Variants in LRP5 observed in about 807,000 individuals in gnomAD.
The protein encoded by LRP5 is LDL receptor related protein 5, also known as low-density lipoprotein receptor-related protein 5.
A neutral mutation model predicts 154.1 loss-of-function variants in LRP5; 62 were observed. That is an observed-to-expected ratio of 0.40 (90% confidence interval 0.33 to 0.50). LRP5 has a LOEUF of 0.50. LRP5 is among the 20% of genes least tolerant of loss of function. The pLI, the probability that LRP5 is intolerant of heterozygous loss-of-function variation, is 0.55. For missense variants in LRP5, 1,915 were observed against 2,336.7 expected (o/e 0.82, Z 3.72); for synonymous variants, 966 against 1,011.5 (o/e 0.96, Z 0.85).
intron 21 of LRP5, 111 bp from the exon 22 acceptor site, chr11:68,446,325 A>C: frequency 1.2e-6 from 1 of 805,036 alleles, no homozygotes; most frequent in East Asian, 2.5e-5. Flanking sequence ...GGTCCTGGGA[A>C]GCAGGGGGGC....
At chr11:68,445,757 G>A in intron 21 of LRP5, 1 of 981,624 alleles carries the variant, frequency 1.0e-6, no homozygotes, top group Non-Finnish European at 1.4e-6. Context: ...CTGGTTGTGT[G>A]CTGCCTGGAC....
intron 18 of LRP5, among the ~76,000 whole-genome samples, chr11:68,436,331 CGTCTGGGGAGGG>C (rs2098674895): frequency 6.6e-6 from 1 of 152,020 alleles, no homozygotes; most frequent in South Asian, 2.1e-4. Context: ...TCTGGGTGGG[CGTCTGGGGAGGG>C]GTGGAGGCAG....
chr11:68,393,331 G>A (rs1276014125), intron 7 of LRP5, among the ~76,000 whole-genome samples: 1 of 152,200 alleles, frequency 6.6e-6, no homozygotes, highest in African/African-American at 2.4e-5. Flanking sequence ...GGATATATGT[G>A]TAGGGGTAGG....
intron 5 of LRP5, among the ~76,000 whole-genome samples, chr11:68,373,392 G>GA (rs940212578): frequency 6.6e-6 from 1 of 152,078 alleles, no homozygotes; most frequent in Non-Finnish European, 1.5e-5. Flanking sequence ...TTGGTGGCGG[G>GA]GGGGGCCCCG....
intron 1 of LRP5, among the ~76,000 whole-genome samples, chr11:68,341,804 C>T (rs1445349214): frequency 6.6e-6 from 1 of 152,156 alleles, no homozygotes; most frequent in Admixed American, 6.5e-5. Context: ...CCCACTTCAC[C>T]CTGCACCATT....
chr11:68,361,785 G>C (rs919576631), intron 3 of LRP5, among the ~76,000 whole-genome samples: 1 of 152,156 alleles, frequency 6.6e-6, no homozygotes, highest in African/African-American at 2.4e-5. Context: ...TCACACCACC[G>C]CACTCCAGCC....
At chr11:68,448,254 C>A (rs2098682521) in intron 22 of LRP5, among the ~76,000 whole-genome samples, 1 of 152,174 alleles carries the variant, frequency 6.6e-6, no homozygotes, top group African/African-American at 2.4e-5. Flanking sequence ...GGGTCCCTCC[C>A]ACAGCACGTG....
the LRP5 span, among the ~76,000 whole-genome samples, chr11:68,302,699 C>T: frequency 3.3e-5 from 5 of 152,196 alleles, no homozygotes; most frequent in African/African-American, 1.2e-4. Context: ...GGACATGTGT[C>T]CCCTGGAGAT....
intron 1 of LRP5, among the ~76,000 whole-genome samples, chr11:68,314,094 C>T (rs1356917145): frequency 6.6e-6 from 1 of 152,194 alleles, no homozygotes; most frequent in South Asian, 2.1e-4. Flanking sequence ...GAAGACAAAA[C>T]AGCGACAGTA....
rs369471051 is a variant in LRP5, at chr11:68,413,958, C to T, written c.2773C>T (p.Arg925Cys). 3.2e-5 allele frequency: 51 copies of T among 1,608,302 alleles called. 1 individual carries two copies. The highest frequency in any genetic ancestry group is 5.3e-5 in the African/African-American group (4 of 75,054). The stretch of plus-strand genomic sequence containing the variant: ...GTGCCTTGCCATCCCCGGCGGCCAC[C>T]GCTGCGGCTGCGCCTCACACTACAC... ...QLCLAIPGGH[R>C]CGCASHYTLD... Residue 925 changes from arginine (R) to cysteine (C), a missense_variant, in exon 12 of 23, where the codon CGC (arginine) becomes TGC (cysteine). Transcript: ENST00000294304. This position sits in a 1 kb window ranked among gnomAD's most constrained non-coding sequence, Gnocchi z 5.1.
chr11:68,433,444 G>T (rs915420956), intron 17 of LRP5, among the ~76,000 whole-genome samples, 158 bp from the exon 18 acceptor site: 1 of 152,200 alleles, frequency 6.6e-6, no homozygotes, highest in Non-Finnish European at 1.5e-5. Flanking sequence ...CACAGGAGCC[G>T]CAGCGATGGA....
chr11:68,422,012 C>T lies in LRP5; in HGVS notation c.3028-1477C>T, dbSNP rs185897379. On this transcript the variant is annotated intron_variant, in intron 13 of 22. Transcript: ENST00000294304. ...ATATGAGCATAGCTCACTGCAGCCT[C>T]GGCCTCCCAGGCTGAAGCGATCCTC... Among the ~76,000 whole-genome samples, 804 of 152,206 alleles carry T rather than the reference C, an allele frequency of 5.3e-3. 6 individuals carry two copies. The highest frequency in any genetic ancestry group is 0.051 in the Middle Eastern group (15 of 294).
chr11:68,386,794 C>T lies in LRP5; in HGVS notation c.1412+82C>T. 1 of 1,455,076 alleles carries T rather than the reference C, an allele frequency of 6.9e-7. No homozygotes were observed. Among genetic ancestry groups the T allele is most frequent in the African/African-American group, 1.4e-5 (1 of 71,580 alleles). The allele number at this position is 1,455,076 out of a possible 1,614,324, so 90.1% of individuals were successfully genotyped here. ...GGGAGATTGACCTGGACCTGTCATT[C>T]TGGGACACTGTCTTGCATCAGAACC... On this transcript the variant is annotated intron_variant, in intron 6 of 22. Transcript: ENST00000294304. The surrounding 1 kb of genome is among the most constrained non-coding windows in gnomAD (Gnocchi z 7.9).
chr11:68,354,057 A>G (rs1316170559), intron 2 of LRP5, among the ~76,000 whole-genome samples: 2 of 152,180 alleles, frequency 1.3e-5, no homozygotes, highest in Admixed American at 6.5e-5. Flanking sequence ...CCAGCCTGAC[A>G]AGGGGCTGCA....
chr11:68,426,198 G>A lies in LRP5; in HGVS notation c.3637+11G>A. On this transcript the variant is annotated intron_variant, in intron 16 of 22. Coordinates refer to ENST00000294304, the MANE Select transcript of LRP5 (RefSeq NM_002335.4). The stretch of plus-strand genomic sequence containing the variant: ...GCCTGGAGGAGTTCTGTACGTGGGG[G>A]CTGGCAGTGGGGTGGGCAGGGTGGC... 1 of 1,608,248 alleles carries A rather than the reference G, an allele frequency of 6.2e-7. No homozygotes were observed. Among genetic ancestry groups the A allele is most frequent in the Non-Finnish European group, 8.5e-7 (1 of 1,178,640 alleles).
At chr11:68,426,321 C>T (rs756399407) in intron 16 of LRP5, 134 bp downstream of exon 16, 5 of 727,058 alleles carry the variant, frequency 6.9e-6, no homozygotes, top group South Asian at 1.8e-5. Context: ...CTGTTGCCCG[C>T]TGGGGTTCAG....
At chr11:68,402,291 C>T (rs1003425007) in intron 7 of LRP5, among the ~76,000 whole-genome samples, 2 of 152,196 alleles carry the variant, frequency 1.3e-5, no homozygotes, top group African/African-American at 2.4e-5. Flanking sequence ...TCCTATCTCA[C>T]GCGGCTGTAT....
At chr11:68,380,629 C>A (rs1291671630) in intron 5 of LRP5, among the ~76,000 whole-genome samples, 1 of 152,198 alleles carries the variant, frequency 6.6e-6, no homozygotes, top group African/African-American at 2.4e-5. Flanking sequence ...TTGCATGAGG[C>A]TTCCTGGAGG....
chr11:68,385,534 G>A (rs1443224003), intron 5 of LRP5, among the ~76,000 whole-genome samples: 2 of 152,176 alleles, frequency 1.3e-5, no homozygotes, highest in African/African-American at 2.4e-5. Context: ...CCAGGGCCCT[G>A]GGTCTAGCCG....
Sources: gnomAD v4.1 joint callset for allele counts (sites outside exome capture counted in the v4.1 genomes callset) on GRCh38, gnomAD v4.1.1 for gene constraint, Gnocchi (gnomAD v3.1) non-coding constraint, MANE v1.5 for transcripts, NCBI Gene and HGNC (gene_info 2026-07-23, HGNC 2026-07-21) for gene names.